SYN3: variants seen among roughly 807,000 people sequenced by gnomAD.
SYN3 encodes the protein synapsin III, also known as synapsin-3.
In SYN3, 35 loss-of-function variants were observed where a neutral mutation model predicts 65.8. The ratio of observed to expected loss-of-function variants is 0.53; its 90% CI spans 0.41 to 0.70. The LOEUF (loss-of-function observed/expected upper bound fraction) is 0.70, where lower values mean the gene tolerates loss of function less well. SYN3 is among the 30% of genes least tolerant of loss of function. The pLI, the probability that SYN3 is intolerant of heterozygous loss-of-function variation, is 0.00. For synonymous variants in SYN3, 270 were observed against 292.9 expected, an observed-to-expected ratio of 0.92 and a Z score of 0.80; for missense variants, 680 against 749.0, an observed-to-expected ratio of 0.91 and a Z score of 1.08.
chr22:32,534,718 C>T (rs1038933438), intron 9 of SYN3, among the ~76,000 whole-genome samples: 1 of 152,156 alleles, frequency 6.6e-6, no homozygotes, highest in Non-Finnish European at 1.5e-5. Flanking sequence ...CAGGGTCACA[C>T]GGGGCACGCC....
intron 6 of SYN3, among the ~76,000 whole-genome samples, chr22:32,617,135 GGTGT>G (rs2059532001): frequency 2.0e-5 from 3 of 152,280 alleles, no homozygotes; most frequent in Admixed American, 2.0e-4. Flanking sequence ...TATGGATGTG[GGTGT>G]GTGTTAAAAA....
At chr22:32,861,237 G>A (rs1027841550) in intron 6 of SYN3, 1 of 152,094 alleles carries the variant, frequency 6.6e-6, no homozygotes, top group Admixed American at 6.6e-5. Flanking sequence ...AAGTGCCCAG[G>A]CAAGGTGCTT....
At chr22:32,643,309 A>G (rs183421893) in intron 6 of SYN3, among the ~76,000 whole-genome samples, 1 of 152,014 alleles carries the variant, frequency 6.6e-6, no homozygotes, top group African/African-American at 2.4e-5. Context: ...TGAACTCCTG[A>G]CCTTGTGACC....
At chr22:32,730,462 T>C (rs537113038) in intron 6 of SYN3, among the ~76,000 whole-genome samples, 2 of 152,354 alleles carry the variant, frequency 1.3e-5, no homozygotes, top group African/African-American at 2.4e-5. Context: ...ATCAATAGAC[T>C]GGTATTCTGA....
At chr22:32,788,060 T>G (rs527317469) in intron 6 of SYN3, among the ~76,000 whole-genome samples, 1 of 152,148 alleles carries the variant, frequency 6.6e-6, no homozygotes, top group Non-Finnish European at 1.5e-5. Flanking sequence ...AGACTTCAAG[T>G]GCATTAGGGA....
intron 13 of SYN3, among the ~76,000 whole-genome samples, chr22:32,516,526 G>C (rs1404137688): frequency 6.6e-6 from 1 of 151,980 alleles, no homozygotes; most frequent in African/African-American, 2.4e-5. Flanking sequence ...AGCACGCCCA[G>C]CTAATTTTTG....
Position 32,801,543 on chromosome 22 carries a change from G to A in SYN3, c.711+63372C>T, listed in dbSNP as rs532176600. On this transcript the variant is annotated intron_variant, in intron 6 of 13. Coordinates refer to ENST00000358763, the MANE Select transcript of SYN3 (RefSeq NM_003490.4). This position sits in a 1 kb window ranked among gnomAD's most constrained non-coding sequence, Gnocchi z 4.7. ...ATAAGGATCTGAACGATCCGGGGGC[G>A]GCCCCGCCCCGTTACCCCTTGCCCC... is the stretch of plus-strand genomic sequence containing the variant. Among the ~76,000 whole-genome samples, 45 of 152,286 alleles carry A rather than the reference G, an allele frequency of 3.0e-4. No individual in the cohort carries two copies. In the South Asian group the frequency reaches 8.9e-3, roughly 30 times the overall value.
intron 7 of SYN3, among the ~76,000 whole-genome samples, chr22:32,554,392 C>G (rs1050200025): frequency 1.3e-5 from 2 of 152,122 alleles, no homozygotes; most frequent in Admixed American, 1.3e-4. Context: ...ATTTTTGTTA[C>G]CACCTTCACC....
At chr22:32,534,386 C>T (rs1165564482) in intron 9 of SYN3, among the ~76,000 whole-genome samples, 5 of 144,896 alleles carry the variant, frequency 3.5e-5, no homozygotes, top group African/African-American at 5.0e-5. Flanking sequence ...CAGCCCTGGC[C>T]GGACAAGAGG....
At chr22:32,517,834 G>A (rs992557516) in intron 13 of SYN3, among the ~76,000 whole-genome samples, 1 of 152,078 alleles carries the variant, frequency 6.6e-6, no homozygotes, top group Non-Finnish European at 1.5e-5. Context: ...GTGTATACAC[G>A]GAGGGTCACG....
chr22:32,578,997 G>C (rs1325984988), intron 7 of SYN3, among the ~76,000 whole-genome samples: 2 of 152,170 alleles, frequency 1.3e-5, no homozygotes, highest in Non-Finnish European at 2.9e-5. Context: ...GCCTGTGGGT[G>C]GTAGTTTGCC....
At position 33,030,095 on chromosome 22, in the gene SYN3, T is replaced by C. The variant is rs530823514; in HGVS notation, c.-162-23271A>G. 3.3e-5 allele frequency among the ~76,000 whole-genome samples: 5 copies of C among 152,136 alleles called. No individual in the cohort carries two copies. In the South Asian group the frequency reaches 1.0e-3, roughly 32 times the overall value. Reference sequence around the variant, plus strand: ...CCTGTGCAAACCCATCACTGTGGGTTTGGGGGAAAGGTACCAAGTCTGGCT... The same window carrying C: ...CCTGTGCAAACCCATCACTGTGGGTCTGGGGGAAAGGTACCAAGTCTGGCT... On this transcript the variant is annotated intron_variant, in intron 1 of 13. Transcript: ENST00000358763.
intron 6 of SYN3, among the ~76,000 whole-genome samples, chr22:32,839,240 C>T (rs758347340): frequency 6.6e-6 from 1 of 152,046 alleles, no homozygotes; most frequent in Non-Finnish European, 1.5e-5. Flanking sequence ...CCTGTAGATA[C>T]TGCAAACCCA....
intron 6 of SYN3, among the ~76,000 whole-genome samples, chr22:32,845,619 T>C (rs1378676832): frequency 1.3e-5 from 2 of 152,176 alleles, no homozygotes; most frequent in Non-Finnish European, 2.9e-5. Context: ...ACCTAGTTCA[T>C]GCCTATGTTG....
At chr22:32,802,672 G>C (rs2046622135) in intron 6 of SYN3, among the ~76,000 whole-genome samples, 1 of 152,148 alleles carries the variant, frequency 6.6e-6, no homozygotes, top group Admixed American at 6.5e-5. Flanking sequence ...CCGAGCTTCT[G>C]GGACTGCCAA....
intron 6 of SYN3, among the ~76,000 whole-genome samples, chr22:32,676,361 C>A (rs9609616): frequency 6.6e-6 from 1 of 152,242 alleles, no homozygotes; most frequent in Non-Finnish European, 1.5e-5. Flanking sequence ...CAAGATTTAT[C>A]TGGGCATTTG....
At chr22:32,636,736 G>C (rs67485432) in intron 6 of SYN3, among the ~76,000 whole-genome samples, 2 of 151,990 alleles carry the variant, frequency 1.3e-5, no homozygotes, top group African/African-American at 2.4e-5. Flanking sequence ...AGAGAAACAG[G>C]CTCTCTAAAG....
intron 6 of SYN3, among the ~76,000 whole-genome samples, chr22:32,605,298 C>T (rs1205996789): frequency 6.6e-6 from 1 of 152,098 alleles, no homozygotes; most frequent in Non-Finnish European, 1.5e-5. Flanking sequence ...GCGGACAGAT[C>T]AGGAATGGCA....
At chr22:32,543,644 TTAGC>T (rs1005315963) in intron 7 of SYN3, among the ~76,000 whole-genome samples, 3 of 152,176 alleles carry the variant, frequency 2.0e-5, no homozygotes, top group Non-Finnish European at 4.4e-5. Context: ...GCCCTTGGTT[TTAGC>T]TGGGTACCTG....
Sources: allele counts gnomAD v4.1 joint callset (sites outside exome capture counted in the v4.1 genomes callset), GRCh38; gene constraint gnomAD v4.1.1; non-coding constraint Gnocchi (gnomAD v3.1); transcripts MANE v1.5; gene names NCBI Gene and HGNC (gene_info 2026-07-23, HGNC 2026-07-21).